The following PDIA5 variants were observed in gnomAD, a reference collection of about 807,000 sequenced individuals.
PDIA5 encodes the protein protein disulfide isomerase family A member 5.
A neutral mutation model predicts 77.6 loss-of-function variants in PDIA5; 58 were observed. The observed-to-expected ratio is 0.75, with a 90% CI of 0.61 to 0.93. PDIA5 has a LOEUF of 0.93. Among genes scored for constraint, PDIA5 ranks in the 40% least tolerant of loss-of-function variants. The pLI, the probability that PDIA5 is intolerant of heterozygous loss-of-function variation, is 0.00. For missense variants in PDIA5, 630 were observed against 647.7 expected (o/e 0.97, Z 0.30); for synonymous variants, 250 against 252.1 (o/e 0.99, Z 0.08).
At chr3:123,112,244 G>A (rs987130362) in intron 7 of PDIA5, among the ~76,000 whole-genome samples, 10 of 152,326 alleles carry the variant, frequency 6.6e-5, no homozygotes, top group Admixed American at 5.9e-4. Flanking sequence ...CCTGAAGGCT[G>A]AGCAACAGAG....
At chr3:123,113,133 A>G (rs1934904888) in intron 7 of PDIA5, among the ~76,000 whole-genome samples, 1 of 152,244 alleles carries the variant, frequency 6.6e-6, no homozygotes, top group Non-Finnish European at 1.5e-5. Flanking sequence ...CTGTCCACAC[A>G]GCCCCTAGAG....
chr3:123,067,783 G>A (rs1015936247), intron 1 of PDIA5, among the ~76,000 whole-genome samples: 1 of 152,218 alleles, frequency 6.6e-6, no homozygotes, highest in African/African-American at 2.4e-5. Flanking sequence ...CAACTGAGGC[G>A]GGCTCGAGCC....
intron 2 of PDIA5, among the ~76,000 whole-genome samples, chr3:123,090,158 T>A (rs1934246590): frequency 6.6e-6 from 1 of 152,216 alleles, no homozygotes. Context: ...CAGGCATCCC[T>A]GGCACGTGGG....
rs1354517931 is a variant in PDIA5 at position 123,124,334 on chromosome 3, G to A, written c.764G>A (p.Trp255Ter). 5.0e-6 allele frequency: 8 copies of A among 1,612,302 alleles called. No individual in the cohort carries two copies. Among genetic ancestry groups the A allele is most frequent in the Non-Finnish European group, 5.1e-6 (6 of 1,178,398 alleles). Residue 255 changes from tryptophan to a stop codon, truncating the protein, a stop_gained, in exon 10 of 17, where the codon TGG (tryptophan) becomes TAG (stop). Transcript: ENST00000316218. LOFTEE classifies it high-confidence loss of function. The part of the protein sequence containing the change: ...YGSTAEDIVE[W>*]LKNPQPPQPQ... ...TCCACAGCTGAGGACATTGTGGAGT[G>A]GCTGAAGAAGTAAGTGGGGTGTGTG...
Position 123,089,133 on chromosome 3 carries a change from C to G in PDIA5, c.43-35C>G, listed in dbSNP as rs760867952. On this transcript the variant is annotated intron_variant, in intron 1 of 16. Transcript: ENST00000316218. ...GATTCTTCTGGGGCCCAGCCAGAAG[C>G]TGGAACTCACAGTCGTTGGCTCCTT... The G allele has an allele frequency of 1.8e-5, 29 of 1,601,474 alleles. No homozygotes were observed. The South Asian group carries it at 2.4e-4, about 14-fold the overall frequency.
intron 3 of PDIA5, among the ~76,000 whole-genome samples, chr3:123,092,755 C>G (rs1934331530): frequency 1.3e-5 from 2 of 152,096 alleles, no homozygotes; most frequent in South Asian, 4.2e-4. Context: ...TCCTGTCTTA[C>G]AGAGGGTGGC....
At position 123,154,999 on chromosome 3, in the gene PDIA5, G is replaced by A. The variant is rs372392172; in HGVS notation, c.1302G>A (p.Pro434=). 19 of 1,612,388 alleles carry A rather than the reference G, an allele frequency of 1.2e-5. No homozygotes were observed. The highest frequency in any genetic ancestry group is 6.6e-5 in the South Asian group (6 of 91,040). The part of the protein sequence containing the change: ...PWCPHCKKVI[P]HFTATADAFK... ...GCCCACACTGTAAGAAGGTCATTCC[G>A]CACTTTACTGCTACTGCTGATGCCT... Residue 434 remains proline, a synonymous_variant, in exon 15 of 17, where the codon CCG becomes CCA. Transcript: ENST00000316218.
At chr3:123,088,832 A>T (rs1409936415) in intron 1 of PDIA5, among the ~76,000 whole-genome samples, 4 of 152,068 alleles carry the variant, frequency 2.6e-5, no homozygotes, top group African/African-American at 9.7e-5. Flanking sequence ...TATTGCTATT[A>T]TTTTTTACTG....
At chr3:123,115,899 G>A (rs2245540) in intron 7 of PDIA5, among the ~76,000 whole-genome samples, 27,900 of 152,246 alleles carry the variant, frequency 0.18, 2,613 homozygotes, top group Middle Eastern at 0.23. Flanking sequence ...ACCTGTTCTG[G>A]TTTTCTGAAT....
At chr3:123,095,563 A>G (rs1217567151) in intron 3 of PDIA5, among the ~76,000 whole-genome samples, 1 of 152,128 alleles carries the variant, frequency 6.6e-6, no homozygotes. Context: ...CAGCCTAACC[A>G]ACATGGAGAA....
intron 15 of PDIA5, among the ~76,000 whole-genome samples, chr3:123,159,328 G>A (rs550056255): frequency 6.6e-6 from 1 of 152,328 alleles, no homozygotes; most frequent in East Asian, 1.9e-4. Context: ...AATTTGGCCA[G>A]GGGAGCATCT....
chr3:123,084,300 A>G (rs1245060150), intron 1 of PDIA5, among the ~76,000 whole-genome samples: 2 of 151,962 alleles, frequency 1.3e-5, no homozygotes, highest in Non-Finnish European at 2.9e-5. Context: ...CCTGGCTTCC[A>G]GCTCCCGCCA....
intron 11 of PDIA5, among the ~76,000 whole-genome samples, chr3:123,136,929 G>A (rs1481547497): frequency 6.6e-6 from 1 of 151,968 alleles, no homozygotes; most frequent in Non-Finnish European, 1.5e-5. Flanking sequence ...TTTATAATTT[G>A]GATATGCCAG....
intron 1 of PDIA5, among the ~76,000 whole-genome samples, chr3:123,085,420 G>A (rs757150084): frequency 5.3e-5 from 8 of 152,168 alleles, no homozygotes; most frequent in Admixed American, 4.6e-4. Flanking sequence ...TGCTCAGCGC[G>A]TTTCTGGTTG....
intron 10 of PDIA5, among the ~76,000 whole-genome samples, chr3:123,129,389 G>A (rs1269840729): frequency 6.6e-6 from 1 of 152,246 alleles, no homozygotes; most frequent in Non-Finnish European, 1.5e-5. Flanking sequence ...GGGCCAGAGA[G>A]GGCTTCTGAA....
intron 13 of PDIA5, among the ~76,000 whole-genome samples, 165 bp downstream of exon 13, chr3:123,146,424 G>A (rs762201695): frequency 1.3e-5 from 2 of 152,324 alleles, no homozygotes; most frequent in Middle Eastern, 3.4e-3. Context: ...TTCATATGCT[G>A]ATCACGTGTC....
intron 11 of PDIA5, among the ~76,000 whole-genome samples, chr3:123,138,827 C>G (rs985029365): frequency 5.3e-5 from 8 of 152,172 alleles, no homozygotes; most frequent in Non-Finnish European, 8.8e-5. Flanking sequence ...AAATTCCAAG[C>G]AAGGCAGGAA....
rs944411143 is a variant in PDIA5 at position 123,107,771 on chromosome 3, C to T, written c.480+930C>T. ...AAAACATAGCTTTCATCTTTCTCTT[C>T]CTCCTCTCCCCTTTCCTTTAAAATT... is the stretch of plus-strand genomic sequence containing the variant. On this transcript the variant is annotated intron_variant, in intron 6 of 16. Coordinates refer to ENST00000316218, the MANE Select transcript of PDIA5 (RefSeq NM_006810.4). Among the ~76,000 whole-genome samples, 4 of 152,234 alleles carry T rather than the reference C, an allele frequency of 2.6e-5. No individual in the cohort carries two copies. The Middle Eastern group carries it at 0.014, about 518-fold the overall frequency.
intron 6 of PDIA5, among the ~76,000 whole-genome samples, chr3:123,109,145 G>A (rs1200469581): frequency 6.6e-6 from 1 of 152,180 alleles, no homozygotes; most frequent in Non-Finnish European, 1.5e-5. Context: ...GAATCCTCTT[G>A]TTCTGCTTTG....
Sources: allele counts gnomAD v4.1 joint callset (sites outside exome capture counted in the v4.1 genomes callset), GRCh38; gene constraint gnomAD v4.1.1; transcripts MANE v1.5; gene names NCBI Gene and HGNC (gene_info 2026-07-23, HGNC 2026-07-21).